The following ANKRD11 variants were observed in gnomAD, a reference collection of about 807,000 sequenced individuals.
ANKRD11 encodes ankyrin repeat domain-containing protein 11.
Under a neutral mutation model 195.7 loss-of-function variants are expected in ANKRD11, and 17 were observed. That is an observed-to-expected ratio of 0.09 (90% confidence interval 0.06 to 0.13). The LOEUF is 0.13. Among genes scored for constraint, ANKRD11 ranks in the 10% least tolerant of loss-of-function variants. ANKRD11 has a pLI of 1.00. For synonymous variants in ANKRD11, 1,953 were observed against 1,528.1 expected (o/e 1.28, Z -6.49); for missense variants, 3,735 against 3,566.1 (o/e 1.05, Z -1.21).
intron 3 of ANKRD11, among the ~76,000 whole-genome samples, chr16:89,308,663 G>A (rs913538875): frequency 1.3e-5 from 2 of 152,142 alleles, no homozygotes; most frequent in Non-Finnish European, 2.9e-5. Context: ...TTCCCATGAC[G>A]TGTTCACAAA....
intron 2 of ANKRD11, among the ~76,000 whole-genome samples, chr16:89,386,736 A>G (rs769527583): frequency 2.6e-5 from 4 of 152,176 alleles, no homozygotes; most frequent in Admixed American, 6.5e-5. Context: ...AAAACCATTG[A>G]CTGTTGGATT....
intron 1 of ANKRD11, among the ~76,000 whole-genome samples, chr16:89,462,849 G>T (rs2056737270): frequency 6.6e-6 from 1 of 150,884 alleles, no homozygotes; most frequent in African/African-American, 2.4e-5. Flanking sequence ...CCCCGTCTGG[G>T]AAGTGAGGAG....
rs1409493585 is a variant in ANKRD11, at chr16:89,388,266, G to C, written c.-60+30018C>G. Among the ~76,000 whole-genome samples the C allele has an allele frequency of 2.0e-5, 3 of 147,520 alleles. No individual in the cohort carries two copies. The Admixed American group carries it at 2.1e-4, about 10-fold the overall frequency. ...CTCCAGGGCCCACGCGGGTGGTGCC[G>C]GGTGCTCTCTTCTCTCCATGAGGCT... On this transcript the variant is annotated intron_variant, in intron 2 of 12. Coordinates refer to ENST00000301030, the MANE Select transcript of ANKRD11 (RefSeq NM_013275.6).
chr16:89,292,108 G>C (rs953663603), intron 4 of ANKRD11, among the ~76,000 whole-genome samples: 3 of 152,152 alleles, frequency 2.0e-5, no homozygotes, highest in Admixed American at 2.0e-4. Flanking sequence ...CTAGGTCATG[G>C]GGTGAAACTG....
At chr16:89,393,312 T>A (rs924017962) in intron 2 of ANKRD11, among the ~76,000 whole-genome samples, 30 of 149,686 alleles carry the variant, frequency 2.0e-4, no homozygotes, top group African/African-American at 7.3e-4. Context: ...TTTTTTATTT[T>A]TATTTTTTTT....
chr16:89,273,484 A>G (rs1304383689), intron 11 of ANKRD11, among the ~76,000 whole-genome samples: 2 of 151,974 alleles, frequency 1.3e-5, no homozygotes, highest in East Asian at 3.9e-4. Context: ...GGTGGATCAT[A>G]AGGTCAAGAG....
At chr16:89,353,176 T>C (rs2039301725) in intron 2 of ANKRD11, among the ~76,000 whole-genome samples, 1 of 152,008 alleles carries the variant, frequency 6.6e-6, no homozygotes, top group Non-Finnish European at 1.5e-5. Flanking sequence ...ACCCCGTCTC[T>C]ACTAAAAATA....
chr16:89,305,004 C>G (rs774247038), intron 4 of ANKRD11: 4 of 752,934 alleles, frequency 5.3e-6, no homozygotes, highest in Non-Finnish European at 8.4e-6. Context: ...CAATCGGCCC[C>G]ATGGGCCTGA....
At chr16:89,332,510 C>T (rs1200749678) in intron 2 of ANKRD11, among the ~76,000 whole-genome samples, 1 of 152,250 alleles carries the variant, frequency 6.6e-6, no homozygotes, top group Non-Finnish European at 1.5e-5. Flanking sequence ...AGAAAACAGC[C>T]TCGTCTGCTC....
chr16:89,463,084 G>T (rs1428759242), intron 1 of ANKRD11, among the ~76,000 whole-genome samples: 1 of 149,536 alleles, frequency 6.7e-6, no homozygotes, highest in South Asian at 2.1e-4. Context: ...CAGCCGCCCC[G>T]CCCGGGAGGT....
intron 2 of ANKRD11, among the ~76,000 whole-genome samples, chr16:89,377,499 G>T (rs116089475): frequency 0.029 from 4,404 of 151,986 alleles, 144 homozygotes; most frequent in African/African-American, 0.074. Context: ...GGGGGGCGGG[G>T]AGGGATGAAG....
At chr16:89,320,784 T>C (rs2037268869) in intron 2 of ANKRD11, among the ~76,000 whole-genome samples, 2 of 152,250 alleles carry the variant, frequency 1.3e-5, no homozygotes, top group South Asian at 4.1e-4. Flanking sequence ...CGGCCAGCTC[T>C]GGGATCCAGG....
chr16:89,446,033 A>G (rs2043776200), intron 1 of ANKRD11, among the ~76,000 whole-genome samples: 1 of 151,228 alleles, frequency 6.6e-6, no homozygotes, highest in African/African-American at 2.4e-5. Context: ...AGCCTAGTAT[A>G]TGTTCCTGCC....
chr16:89,333,975 C>G (rs2151973070), intron 2 of ANKRD11, among the ~76,000 whole-genome samples: 1 of 151,824 alleles, frequency 6.6e-6, no homozygotes, highest in South Asian at 2.1e-4. Context: ...GTTAAGAGCC[C>G]TCAATCTGTG....
intron 1 of ANKRD11, among the ~76,000 whole-genome samples, chr16:89,430,937 T>C: frequency 6.6e-6 from 1 of 152,102 alleles, no homozygotes. Context: ...GAAACCCCTG[T>C]GAGCCTGGGA....
At chr16:89,307,831 C>A (rs779334819) in intron 3 of ANKRD11, among the ~76,000 whole-genome samples, 7 of 152,288 alleles carry the variant, frequency 4.6e-5, no homozygotes, top group Non-Finnish European at 1.0e-4. Context: ...TCCAAGAACA[C>A]TCCTGGCCCA....
intron 2 of ANKRD11, among the ~76,000 whole-genome samples, chr16:89,349,188 G>C (rs575709232): frequency 1.4e-3 from 168 of 118,772 alleles, no homozygotes; most frequent in African/African-American, 5.2e-3. Context: ...AATCAAGACA[G>C]TGTGGTGTTA....
At chr16:89,308,070 G>GGAAGGTTCTACCAAACATGT (rs1481210095) in intron 3 of ANKRD11, among the ~76,000 whole-genome samples, 42 of 148,542 alleles carry the variant, frequency 2.8e-4, no homozygotes, top group African/African-American at 1.0e-3. Flanking sequence ...CCTGATGAGG[G>GGAAGGTTCTACCAAACATGT]GAAGGTTCTA....
At chr16:89,287,395 G>C (rs1287467690) in intron 7 of ANKRD11, 2 of 238,626 alleles carry the variant, frequency 8.4e-6, no homozygotes, top group East Asian at 2.1e-4. Flanking sequence ...GGGCATCTTG[G>C]GGGCCATTAT....
Sources: allele counts gnomAD v4.1 joint callset (sites outside exome capture counted in the v4.1 genomes callset), GRCh38; gene constraint gnomAD v4.1.1; transcripts MANE v1.5; gene names NCBI Gene and HGNC (gene_info 2026-07-23, HGNC 2026-07-21).